The following WDR25 variants were observed in gnomAD, a reference collection of about 807,000 sequenced individuals.
WDR25 encodes WD repeat domain 25.
Under a neutral mutation model 47.7 loss-of-function variants are expected in WDR25, and 35 were observed. That is an observed-to-expected ratio of 0.73 (90% CI 0.56 to 0.97). The LOEUF is 0.97. WDR25 is among the 50% of genes least tolerant of loss of function. The pLI is 0.00. For synonymous variants in WDR25, 248 were observed against 278.9 expected (o/e 0.89, Z 1.10); for missense variants, 634 against 704.7 (o/e 0.90, Z 1.14).
chr14:100,381,837 C>A, intron 2 of WDR25, 91 bp downstream of exon 2: 2 of 1,099,314 alleles, frequency 1.8e-6, no homozygotes, highest in Non-Finnish European at 2.6e-6. Flanking sequence ...ACAGGCTGAA[C>A]TTTTTTTTGT....
chr14:100,475,329 C>T (rs1363230217), intron 3 of WDR25, among the ~76,000 whole-genome samples: 7 of 152,168 alleles, frequency 4.6e-5, no homozygotes, highest in South Asian at 2.1e-4. Flanking sequence ...TCTGCACCCC[C>T]GTATTCATTG....
At chr14:100,406,027 GA>G (rs1428273415) in intron 2 of WDR25, among the ~76,000 whole-genome samples, 1 of 152,188 alleles carries the variant, frequency 6.6e-6, no homozygotes, top group African/African-American at 2.4e-5. Flanking sequence ...TGCCTTCGGA[GA>G]AGATGGTTAG....
intron 4 of WDR25, among the ~76,000 whole-genome samples, chr14:100,517,104 C>G (rs1481816418): frequency 1.1e-3 from 120 of 112,764 alleles, no homozygotes; most frequent in Middle Eastern, 5.6e-3. Context: ...CATATCTCCT[C>G]TGTTTTTTTT....
chr14:100,482,426 A>G (rs1453427556), intron 3 of WDR25, among the ~76,000 whole-genome samples: 1 of 152,174 alleles, frequency 6.6e-6, no homozygotes, highest in Admixed American at 6.5e-5. Context: ...AAAGAGTTCT[A>G]TTTTTGGTTT....
intron 2 of WDR25, among the ~76,000 whole-genome samples, chr14:100,382,578 T>C (rs73357457): frequency 0.16 from 24,952 of 152,200 alleles, 4,777 homozygotes; most frequent in African/African-American, 0.47. Flanking sequence ...GATAGTAATG[T>C]AGTCCCCCAG....
At chr14:100,448,828 A>C (rs1595098796) in intron 2 of WDR25, among the ~76,000 whole-genome samples, 1 of 152,128 alleles carries the variant, frequency 6.6e-6, no homozygotes. Flanking sequence ...ACTGGACCTT[A>C]ACTTGGCTTA....
At chr14:100,483,687 A>G (rs1379037938) in intron 3 of WDR25, among the ~76,000 whole-genome samples, 1 of 152,174 alleles carries the variant, frequency 6.6e-6, no homozygotes, top group Non-Finnish European at 1.5e-5. Context: ...TGCATGGTTT[A>G]TATGAGCTAA....
chr14:100,465,016 T>C, intron 2 of WDR25, among the ~76,000 whole-genome samples: 1 of 150,246 alleles, frequency 6.7e-6, no homozygotes, highest in African/African-American at 2.5e-5. Flanking sequence ...TTCCACCCTC[T>C]CTTTGGAAGA....
At chr14:100,519,501 T>G (rs374134121) in intron 4 of WDR25, among the ~76,000 whole-genome samples, 2 of 151,726 alleles carry the variant, frequency 1.3e-5, no homozygotes, top group African/African-American at 4.8e-5. Context: ...TGAAGTGTGA[T>G]TTGGATCATA....
chr14:100,510,788 A>G (rs1024167025), intron 4 of WDR25, among the ~76,000 whole-genome samples: 4 of 143,162 alleles, frequency 2.8e-5, no homozygotes, highest in Admixed American at 2.7e-4. Context: ...TTTTTTGTAG[A>G]GACAGGGTCT....
intron 2 of WDR25, among the ~76,000 whole-genome samples, chr14:100,445,122 T>C (rs1370071400): frequency 2.0e-5 from 3 of 152,174 alleles, no homozygotes. Context: ...ACTCACTCTG[T>C]TCACATCTCC....
At chr14:100,486,659 C>A (rs1020412598) in intron 4 of WDR25, among the ~76,000 whole-genome samples, 9 of 152,204 alleles carry the variant, frequency 5.9e-5, no homozygotes, top group Non-Finnish European at 1.2e-4. Flanking sequence ...CTTCTTATCC[C>A]TGTGGGCTCC....
At chr14:100,476,092 C>G (rs1380863735) in intron 3 of WDR25, among the ~76,000 whole-genome samples, 1 of 152,202 alleles carries the variant, frequency 6.6e-6, no homozygotes, top group Non-Finnish European at 1.5e-5. Context: ...TGGGGCTTAG[C>G]TCTCCTACAT....
At chr14:100,478,574 C>A (rs1299049852) in intron 3 of WDR25, among the ~76,000 whole-genome samples, 1 of 152,144 alleles carries the variant, frequency 6.6e-6, no homozygotes, top group African/African-American at 2.4e-5. Context: ...AGTTTTGAAC[C>A]CTTTTAACAA....
intron 4 of WDR25, among the ~76,000 whole-genome samples, chr14:100,489,558 C>T (rs142296026): frequency 6.6e-6 from 1 of 152,300 alleles, no homozygotes; most frequent in African/African-American, 2.4e-5. Context: ...TGCAGGACTA[C>T]ATTATGGAAC....
chr14:100,502,319 C>T lies in WDR25; in HGVS notation c.1101+18195C>T, dbSNP rs1222549678. On this transcript the variant is annotated intron_variant, in intron 4 of 6. Coordinates refer to ENST00000402312, the MANE Select transcript of WDR25 (RefSeq NM_001161476.3). This position sits in a 1 kb window ranked among gnomAD's most constrained non-coding sequence, Gnocchi z 4.5. ...GGAAAGGCCTTAAGGCTCTCATGAGCCCCCCACATTCAGTGCCCTCATTCC... is the reference window on the plus strand; with the variant it reads ...GGAAAGGCCTTAAGGCTCTCATGAGTCCCCCACATTCAGTGCCCTCATTCC... 6.6e-6 allele frequency among the ~76,000 whole-genome samples: 1 copy of T among 152,212 alleles called. No individual in the cohort carries two copies. Among genetic ancestry groups the T allele is most frequent in the Admixed American group, 6.5e-5 (1 of 15,290 alleles).
intron 2 of WDR25, among the ~76,000 whole-genome samples, chr14:100,390,396 TG>T (rs1248047514): frequency 3.5e-5 from 2 of 57,690 alleles, no homozygotes; most frequent in Non-Finnish European, 1.1e-4. Flanking sequence ...AAAAGCTGTG[TG>T]TGTGTGTGTG....
intron 4 of WDR25, among the ~76,000 whole-genome samples, chr14:100,503,364 C>T (rs1300278243): frequency 6.6e-6 from 1 of 152,118 alleles, no homozygotes; most frequent in African/African-American, 2.4e-5. Context: ...AGCGCGCCAT[C>T]TTTAAGCCTC....
intron 2 of WDR25, among the ~76,000 whole-genome samples, chr14:100,411,918 CTAATGTTGAATG>C (rs1897718983): frequency 6.6e-6 from 1 of 152,162 alleles, no homozygotes; most frequent in South Asian, 2.1e-4. Flanking sequence ...GCAAAAAGAT[CTAATGTTGAATG>C]TAATGTTGAA....
Sources: gnomAD v4.1 joint callset for allele counts (sites outside exome capture counted in the v4.1 genomes callset) on GRCh38, gnomAD v4.1.1 for gene constraint, Gnocchi (gnomAD v3.1) non-coding constraint, MANE v1.5 for transcripts, NCBI Gene and HGNC (gene_info 2026-07-23, HGNC 2026-07-21) for gene names.